Variants in GABBR2 observed in about 807,000 individuals in gnomAD.
GABBR2 encodes gamma-aminobutyric acid type B receptor subunit 2.
GABBR2 carries 23 observed loss-of-function variants against 105.6 expected under a neutral mutation model. That is an observed-to-expected ratio of 0.22 (90% CI 0.16 to 0.31). GABBR2 has a LOEUF of 0.31. Among genes scored for constraint, GABBR2 ranks in the 10% least tolerant of loss-of-function variants. GABBR2 has a pLI of 1.00. For missense variants in GABBR2, 734 were observed against 1,245.5 expected (o/e 0.59, Z 6.18); for synonymous variants, 478 against 499.7 (o/e 0.96, Z 0.58).
At chr9:98,348,868 CA>C (rs986518202) in intron 13 of GABBR2, among the ~76,000 whole-genome samples, 17 of 152,244 alleles carry the variant, frequency 1.1e-4, no homozygotes, top group African/African-American at 4.1e-4. Flanking sequence ...ATATCATCTG[CA>C]AAGAGGAACA....
At chr9:98,429,143 T>C (rs1169736712) in intron 7 of GABBR2, among the ~76,000 whole-genome samples, 1 of 151,958 alleles carries the variant, frequency 6.6e-6, no homozygotes, top group Non-Finnish European at 1.5e-5. Context: ...TGTGTGTGTG[T>C]GTGTGTGTGT....
intron 4 of GABBR2, among the ~76,000 whole-genome samples, chr9:98,483,753 G>A (rs1826982042): frequency 6.6e-6 from 1 of 151,876 alleles, no homozygotes; most frequent in Non-Finnish European, 1.5e-5. Context: ...CTTAGCCCAG[G>A]CTCCTCTGTT....
intron 1 of GABBR2, chr9:98,606,724 C>A (rs1418382027): frequency 4.2e-6 from 1 of 238,338 alleles, no homozygotes; most frequent in Non-Finnish European, 8.3e-6. Flanking sequence ...AAGTGATCCG[C>A]CCGCCTCGGC....
At chr9:98,435,538 C>T (rs1825887327) in intron 7 of GABBR2, among the ~76,000 whole-genome samples, 1 of 152,128 alleles carries the variant, frequency 6.6e-6, no homozygotes, top group African/African-American at 2.4e-5. Context: ...CCTGCTCTCC[C>T]CACCACAGCC....
intron 1 of GABBR2, among the ~76,000 whole-genome samples, chr9:98,651,139 G>GTT (rs55727456): frequency 4.9e-4 from 64 of 129,534 alleles, no homozygotes; most frequent in South Asian, 1.2e-3. Flanking sequence ...ACACACACTG[G>GTT]TTTTTTTTTT....
intron 1 of GABBR2, among the ~76,000 whole-genome samples, chr9:98,617,413 C>A (rs1368441026): frequency 6.6e-6 from 1 of 152,174 alleles, no homozygotes; most frequent in Non-Finnish European, 1.5e-5. Flanking sequence ...GCAAATGCAG[C>A]CTGGGAGAGC....
At chr9:98,417,562 C>T (rs1352866203) in intron 7 of GABBR2, among the ~76,000 whole-genome samples, 1 of 152,170 alleles carries the variant, frequency 6.6e-6, no homozygotes, top group Non-Finnish European at 1.5e-5. Context: ...TGTTCCTTCC[C>T]TTCTCTGGGC....
intron 13 of GABBR2, among the ~76,000 whole-genome samples, chr9:98,313,503 C>T (rs1157058359): frequency 6.6e-6 from 1 of 152,198 alleles, no homozygotes; most frequent in Non-Finnish European, 1.5e-5. Context: ...CTTCGAACAA[C>T]ATCAAAATAT....
intron 1 of GABBR2, among the ~76,000 whole-genome samples, chr9:98,599,488 C>T (rs1829287162): frequency 6.6e-6 from 1 of 152,216 alleles, no homozygotes; most frequent in Non-Finnish European, 1.5e-5. Flanking sequence ...CAAAACAAAA[C>T]CTCTCAAGAA....
intron 1 of GABBR2, among the ~76,000 whole-genome samples, chr9:98,689,293 T>G (rs1206845692): frequency 6.6e-6 from 1 of 152,148 alleles, no homozygotes; most frequent in Non-Finnish European, 1.5e-5. Context: ...TTACTAGACA[T>G]GTAACTTTAG....
intron 1 of GABBR2, among the ~76,000 whole-genome samples, chr9:98,647,870 C>T (rs139993111): frequency 5.5e-4 from 84 of 152,186 alleles, no homozygotes; most frequent in Non-Finnish European, 1.1e-3. Context: ...TGAAAAGATG[C>T]CAGTTATTCA....
chr9:98,332,957 C>G (rs1456474882), intron 13 of GABBR2, among the ~76,000 whole-genome samples: 1 of 152,178 alleles, frequency 6.6e-6, no homozygotes, highest in East Asian at 1.9e-4. Context: ...AATAATGGCT[C>G]AGAGAGGCCT....
chr9:98,422,496 C>CTGTGTGTGTGTGTGTG (rs370880704), intron 7 of GABBR2, among the ~76,000 whole-genome samples: 55 of 146,448 alleles, frequency 3.8e-4, no homozygotes, highest in African/African-American at 1.4e-3. Flanking sequence ...CTTAATGCAC[C>CTGTGTGTGTGTGTGTG]TGTGTGTGTG....
intron 1 of GABBR2, among the ~76,000 whole-genome samples, chr9:98,611,587 G>A (rs11788000): frequency 0.64 from 97,172 of 152,026 alleles, 31,743 homozygotes; most frequent in Middle Eastern, 0.79. Context: ...AACCTTGTAG[G>A]CCCAGGAAAA....
intron 8 of GABBR2, among the ~76,000 whole-genome samples, chr9:98,401,691 C>A (rs1189527927): frequency 1.3e-5 from 2 of 152,126 alleles, no homozygotes; most frequent in Non-Finnish European, 2.9e-5. Context: ...CAATTGCAGG[C>A]CTTGACAGAG....
At chr9:98,398,913 T>C (rs1832340847) in intron 8 of GABBR2, among the ~76,000 whole-genome samples, 1 of 152,232 alleles carries the variant, frequency 6.6e-6, no homozygotes, top group African/African-American at 2.4e-5. Flanking sequence ...GTACAGTAAC[T>C]GCCAGGGGTA....
At chr9:98,640,213 T>C (rs1829941357) in intron 1 of GABBR2, among the ~76,000 whole-genome samples, 1 of 151,730 alleles carries the variant, frequency 6.6e-6, no homozygotes, top group Non-Finnish European at 1.5e-5. Flanking sequence ...GGCAGGGTCT[T>C]ATTCACTTTT....
intron 13 of GABBR2, among the ~76,000 whole-genome samples, chr9:98,329,175 C>A (rs1830979002): frequency 6.6e-6 from 1 of 152,190 alleles, no homozygotes; most frequent in African/African-American, 2.4e-5. Flanking sequence ...AAGGGCAGAG[C>A]AAGCTGGTGT....
At chr9:98,670,436 TC>T (rs1320517024) in intron 1 of GABBR2, among the ~76,000 whole-genome samples, 1 of 152,058 alleles carries the variant, frequency 6.6e-6, no homozygotes, top group African/African-American at 2.4e-5. Context: ...ATATGGCGGT[TC>T]CCCCCTAAAA....
Sources: allele counts gnomAD v4.1 joint callset (sites outside exome capture counted in the v4.1 genomes callset), GRCh38; gene constraint gnomAD v4.1.1; transcripts MANE v1.5; gene names NCBI Gene and HGNC (gene_info 2026-07-23, HGNC 2026-07-21).